SLC26A8: variants seen among roughly 807,000 people sequenced by gnomAD.
SLC26A8 encodes solute carrier family 26 member 8.
A neutral mutation model predicts 105.0 loss-of-function variants in SLC26A8; 70 were observed. The observed-to-expected ratio is 0.67, with a 90% CI of 0.55 to 0.81. The LOEUF is 0.81. Ranked by LOEUF, SLC26A8 falls within the 40% of genes least tolerant of loss-of-function variation. The probability of loss-of-function intolerance (pLI) is 0.00; values close to 1 mark genes in which losing one functional copy is unlikely to be tolerated. For synonymous variants in SLC26A8, 415 were observed against 438.3 expected (o/e 0.95, Z 0.66); for missense variants, 998 against 1,181.8 (o/e 0.84, Z 2.28).
chr6:36,014,132 C>T (rs1324060752), intron 2 of SLC26A8, among the ~76,000 whole-genome samples: 2 of 152,128 alleles, frequency 1.3e-5, no homozygotes, highest in Non-Finnish European at 2.9e-5. Flanking sequence ...AAAATATGCT[C>T]TTTCTAATTA....
At chr6:36,001,406 G>A (rs1449741088) in intron 3 of SLC26A8, among the ~76,000 whole-genome samples, 1 of 152,206 alleles carries the variant, frequency 6.6e-6, no homozygotes, top group Non-Finnish European at 1.5e-5. Context: ...GGGATTACAG[G>A]CGTGAGCCAC....
chr6:36,016,197 T>C (rs1005389484), intron 2 of SLC26A8, among the ~76,000 whole-genome samples: 1 of 152,196 alleles, frequency 6.6e-6, no homozygotes, highest in African/African-American at 2.4e-5. Context: ...TTTCACCACG[T>C]TGGCCAGGAT....
At chr6:36,000,524 A>T (rs1761490664) in intron 3 of SLC26A8, among the ~76,000 whole-genome samples, 1 of 152,162 alleles carries the variant, frequency 6.6e-6, no homozygotes, top group Admixed American at 6.5e-5. Flanking sequence ...ATCACACTTC[A>T]CTGACTTGAA....
At chr6:35,999,658 GA>G (rs1048974179) in intron 4 of SLC26A8, among the ~76,000 whole-genome samples, 3 of 152,192 alleles carry the variant, frequency 2.0e-5, no homozygotes, top group African/African-American at 7.2e-5. Context: ...TCAGATGAAA[GA>G]AGTATCTGCT....
intron 7 of SLC26A8, among the ~76,000 whole-genome samples, chr6:35,985,585 C>T (rs754597486): frequency 1.5e-4 from 23 of 149,682 alleles, no homozygotes; most frequent in African/African-American, 2.7e-4. Flanking sequence ...CCCAGCTACT[C>T]GGGAGGCTGA....
rs1771999570 is a variant in SLC26A8 at position 35,954,968 on chromosome 6, T to C, written c.2232+184A>G. ...TCAAAAAAGAAAAAAGAAAAAAGAATTGGTTCATTCTCTTTTTATTTTGAT... is the reference window on the plus strand; with the variant it reads ...TCAAAAAAGAAAAAAGAAAAAAGAACTGGTTCATTCTCTTTTTATTTTGAT... On this transcript the variant is annotated intron_variant, in intron 17 of 19. Coordinates refer to ENST00000490799, the MANE Select transcript of SLC26A8 (RefSeq NM_052961.4). 5 of 705,826 alleles carry C rather than the reference T, an allele frequency of 7.1e-6. No homozygotes were observed. The Admixed American group carries it at 1.2e-4, about 18-fold the overall frequency. 43.7% of individuals were successfully genotyped at this position (705,826 alleles called of 1,614,324 possible).
chr6:35,971,028 AAACAACAACAAC>A (rs368306720), intron 10 of SLC26A8, among the ~76,000 whole-genome samples: 2 of 151,678 alleles, frequency 1.3e-5, no homozygotes, highest in African/African-American at 4.9e-5. Context: ...CTCCATCTCA[AAACAACAACAAC>A]AACAACAACA....
In SLC26A8 at chr6:35,991,732, GCAA is replaced by G. The variant is rs938806096; in HGVS notation, c.866_868del (p.Val289del). ...TCTGATACATTTGTTGATTCGCAGA[GCAA>G]CAACAACAGTTAGAAATACTAGAAT... On this transcript the variant is annotated inframe_deletion, in exon 7 of 20. Coordinates refer to ENST00000490799, the MANE Select transcript of SLC26A8 (RefSeq NM_052961.4). 20 of 1,606,924 alleles carry G rather than the reference GCAA, an allele frequency of 1.2e-5. No homozygotes were observed. Among genetic ancestry groups the G allele is most frequent in the African/African-American group, 2.7e-5 (2 of 74,644 alleles).
chr6:36,004,726 T>G (rs1761634771), intron 3 of SLC26A8, among the ~76,000 whole-genome samples: 1 of 152,010 alleles, frequency 6.6e-6, no homozygotes, highest in South Asian at 2.1e-4. Flanking sequence ...CTTGGCTCAC[T>G]GCAGCCTCAA....
chr6:35,943,597 T>A lies in SLC26A8; in HGVS notation c.*303A>T. On this transcript the variant is annotated 3_prime_UTR_variant, in exon 20 of 20. Transcript: ENST00000490799. ...GATGAGAGGATTAAGTTAGAGATGG[T>A]CTGGCACAAAGCCCAGAGATGTGGG... 3.1e-6 allele frequency: 1 copy of A among 320,362 alleles called. No individual in the cohort carries two copies. The highest frequency in any genetic ancestry group is 5.2e-5 in the South Asian group (1 of 19,128). 19.8% of individuals were successfully genotyped at this position (320,362 alleles called of 1,614,324 possible).
At chr6:36,003,900 A>G (rs556177040) in intron 3 of SLC26A8, among the ~76,000 whole-genome samples, 248 of 152,002 alleles carry the variant, frequency 1.6e-3, no homozygotes, top group Non-Finnish European at 1.9e-3. Context: ...TGACCTCATG[A>G]TCTGCCTGCC....
At chr6:35,964,290 A>G (rs1772417400) in intron 11 of SLC26A8, among the ~76,000 whole-genome samples, 1 of 152,194 alleles carries the variant, frequency 6.6e-6, no homozygotes, top group Non-Finnish European at 1.5e-5. Flanking sequence ...AAATCACTTG[A>G]CAGTATATCC....
Position 35,944,292 on chromosome 6 carries a change from T to C in SLC26A8, c.2521A>G (p.Lys841Glu), listed in dbSNP as rs774029662. Residue 841 changes from lysine (K) to glutamate (E), a missense_variant, in exon 20 of 20, where the codon AAA becomes GAA. By Grantham distance (56) the Lys-to-Glu change is moderately conservative (BLOSUM62 1). Transcript: ENST00000490799. Reference protein sequence around the residue: ...KMSSSFLGSQKNVSPGFIKIQ... With the variant: ...KMSSSFLGSQENVSPGFIKIQ... ...TTGATGAAGCCTGGACTTACATTTT[T>C]TTGGCTTCCTAGAAAACTGCTGCTC... The C allele has an allele frequency of 2.5e-6, 4 of 1,614,016 alleles. No homozygotes were observed. The highest frequency in any genetic ancestry group is 3.4e-6 in the Non-Finnish European group (4 of 1,179,968).
rs199705962 is a variant in SLC26A8, at chr6:35,951,155, T to C, written c.2472+8A>G. On this transcript the variant is annotated splice_region_variant and intron_variant, in intron 19 of 19. Coordinates refer to ENST00000490799, the MANE Select transcript of SLC26A8 (RefSeq NM_052961.4). ...CCCCCAACCTCATGCTTTGTCGGTT[T>C]GTCTGACCTTGTCTGTTTCTGAGTA... is the stretch of plus-strand genomic sequence containing the variant. The C allele has an allele frequency of 2.5e-5, 40 of 1,611,794 alleles. No homozygotes were observed. The African/African-American group carries it at 5.2e-4, about 21-fold the overall frequency.
intron 3 of SLC26A8, among the ~76,000 whole-genome samples, chr6:36,008,151 C>T (rs1761747033): frequency 6.7e-6 from 1 of 149,066 alleles, no homozygotes; most frequent in Admixed American, 6.7e-5. Context: ...GTGTTGAGGC[C>T]GGGCATGGTG....
Position 35,944,107 on chromosome 6 carries a change from G to C in SLC26A8, c.2706C>G (p.Pro902=), listed in dbSNP as rs1771577781. ...CCATCTCAGGCTCAGTCTCAGGCTG[G>C]GGCTCCATCTCGGTCTGGGTCTTGG... ...TETKTQTEME[P]QPETEPEMEP... is the part of the protein sequence containing the mutation. Residue 902 remains proline, a synonymous_variant, in exon 20 of 20, where the codon CCC becomes CCG. Coordinates refer to ENST00000490799, the MANE Select transcript of SLC26A8 (RefSeq NM_052961.4). 6.2e-7 allele frequency: 1 copy of C among 1,613,932 alleles called. No individual in the cohort carries two copies.
intron 17 of SLC26A8, among the ~76,000 whole-genome samples, chr6:35,952,298 C>T (rs560287792): frequency 1.7e-4 from 26 of 152,222 alleles, no homozygotes; most frequent in African/African-American, 5.1e-4. Flanking sequence ...CAGTAGGGAA[C>T]GGAATTCAGA....
At chr6:35,992,735 G>T (rs1761209707) in intron 5 of SLC26A8, 61 bp from the exon 6 acceptor site, 1 of 1,491,170 alleles carries the variant, frequency 6.7e-7, no homozygotes, top group South Asian at 1.3e-5. Flanking sequence ...TGGCACCAAT[G>T]GCACTCTCCA....
chr6:35,944,274 A>G lies in SLC26A8; in HGVS notation c.2539T>C (p.Phe847Leu). 1 of 1,614,076 alleles carries G rather than the reference A, an allele frequency of 6.2e-7. No homozygotes were observed. The highest frequency in any genetic ancestry group is 8.5e-7 in the Non-Finnish European group (1 of 1,180,026). The change falls in exon 20 of 20, where the codon TTC becomes CTC. Residue 847 changes from phenylalanine (F) to leucine (L), a missense_variant. Physicochemically the swap from Phe to Leu is conservative, Grantham distance 22. Coordinates refer to ENST00000490799, the MANE Select transcript of SLC26A8 (RefSeq NM_052961.4). The stretch of plus-strand genomic sequence containing the variant: ...TCTACAGGCTGTTGGATCTTGATGA[A>G]GCCTGGACTTACATTTTTTTGGCTT... ...LGSQKNVSPG[F>L]IKIQQPVEEE...
Sources: allele counts gnomAD v4.1 joint callset (sites outside exome capture counted in the v4.1 genomes callset), GRCh38; gene constraint gnomAD v4.1.1; transcripts MANE v1.5; gene names NCBI Gene and HGNC (gene_info 2026-07-23, HGNC 2026-07-21).